Variants in ZNF134 observed in about 807,000 individuals in gnomAD.
ZNF134 encodes zinc finger protein 134.
ZNF134 carries 5 observed loss-of-function variants against 2.5 expected under a neutral mutation model. The ratio of observed to expected loss-of-function variants is 2.03; its 90% CI spans 1.06 to 4.27. The LOEUF is 4.27. Ranked by LOEUF, ZNF134 falls within the 30% of genes most tolerant of loss-of-function variation. The pLI, the probability that ZNF134 is intolerant of heterozygous loss-of-function variation, is 0.00. For missense variants in ZNF134, 540 were observed against 517.5 expected (o/e 1.04, Z -0.42); for synonymous variants, 176 against 176.2 (o/e 1.00, Z 0.01).
chr19:57,623,042 C>A lies in ZNF134; in HGVS notation c.*1639C>A, dbSNP rs533635671. ...GTGGTATTGGACATATCTGTTACCC[C>A]CAAAGTTAACCTGAGGCCCTTAACC... is the stretch of plus-strand genomic sequence containing the variant. On this transcript the variant is annotated 3_prime_UTR_variant, in exon 3 of 3. Coordinates refer to ENST00000396161, the MANE Select transcript of ZNF134 (RefSeq NM_003435.5). 3.3e-5 allele frequency: 5 copies of A among 151,872 alleles called. No homozygotes were observed. The East Asian group carries it at 9.7e-4, about 29-fold the overall frequency. The allele number at this position is 151,872 out of a possible 1,614,324, so 9.4% of individuals were successfully genotyped here.
rs1373774405 is a variant in ZNF134 at position 57,620,930 on chromosome 19, C to T, written c.811C>T (p.His271Tyr). ...CAATGAATGTGGGAAATATTTTAGC[C>T]ATCACTCCAATCTAATTGTACACCA... Reference protein sequence around the residue: ...KCNECGKYFSHHSNLIVHQRV... With the variant: ...KCNECGKYFSYHSNLIVHQRV... The change falls in exon 3 of 3, where the codon CAT becomes TAT. Residue 271 changes from histidine to tyrosine, a missense_variant. Transcript: ENST00000396161. 2 of 1,614,132 alleles carry T rather than the reference C, an allele frequency of 1.2e-6. No individual in the cohort carries two copies. The highest frequency in any genetic ancestry group is 1.7e-6 in the Non-Finnish European group (2 of 1,180,024).
intron 1 of ZNF134, among the ~76,000 whole-genome samples, chr19:57,615,340 AG>A (rs761534025): frequency 3.1e-4 from 47 of 152,020 alleles, no homozygotes; most frequent in Non-Finnish European, 4.6e-4. Context: ...TGGAATTTCA[AG>A]GAAGTTATTT....
intron 1 of ZNF134, among the ~76,000 whole-genome samples, chr19:57,617,828 G>A (rs1247947133): frequency 8.5e-5 from 13 of 152,220 alleles, no homozygotes. Flanking sequence ...ATGTCCCTGG[G>A]AGGAAGGGGA....
intron 1 of ZNF134, among the ~76,000 whole-genome samples, chr19:57,614,721 C>G (rs1261334841): frequency 6.6e-6 from 1 of 152,108 alleles, no homozygotes; most frequent in Non-Finnish European, 1.5e-5. Context: ...CGTAGTCAGG[C>G]CTGCAATGTC....
intron 1 of ZNF134, among the ~76,000 whole-genome samples, chr19:57,615,763 T>C (rs996573945): frequency 1.3e-5 from 2 of 152,098 alleles, no homozygotes; most frequent in Non-Finnish European, 2.9e-5. Context: ...GTTACAGTGG[T>C]GGGACATGTG....
chr19:57,620,251 G>T lies in ZNF134; in HGVS notation c.132G>T (p.Leu44Phe), dbSNP rs778838065. The T allele has an allele frequency of 8.1e-6, 13 of 1,614,070 alleles. No individual in the cohort carries two copies. The highest frequency in any genetic ancestry group is 1.7e-5 in the Admixed American group (1 of 60,008). Reference sequence around the variant, plus strand: ...ATGTTAATACTTCCAAGGCAGGTTTGCCCGCACAGACGGCTCTCCCTTGTG... The same window carrying T: ...ATGTTAATACTTCCAAGGCAGGTTTTCCCGCACAGACGGCTCTCCCTTGTG... ...VSHVNTSKAG[L>F]PAQTALPCDI... The change falls in exon 3 of 3, where the codon TTG becomes TTT. Residue 44 changes from leucine (L) to phenylalanine (F), a missense_variant. Transcript: ENST00000396161.
Position 57,621,881 on chromosome 19 carries a change from G to C in ZNF134, c.*478G>C, listed in dbSNP as rs1981234455. 7.3e-6 allele frequency: 2 copies of C among 273,678 alleles called. No individual in the cohort carries two copies. Among genetic ancestry groups the C allele is most frequent in the East Asian group, 8.7e-5 (1 of 11,534 alleles). The allele number at this position is 273,678 out of a possible 1,614,324, so 17.0% of individuals were successfully genotyped here. A position where few individuals can be genotyped will look rare whatever the true frequency, so the allele number is the denominator to read the frequency against. On this transcript the variant is annotated 3_prime_UTR_variant, in exon 3 of 3. Transcript: ENST00000396161. Reference sequence around the variant, plus strand: ...TGGCCTGGGAAAGTACTTGCCTCATGTTGCTCTGGTTTGTGATAATAAAGG... The same window carrying C: ...TGGCCTGGGAAAGTACTTGCCTCATCTTGCTCTGGTTTGTGATAATAAAGG...
At chr19:57,615,724 C>T (rs970609413) in intron 1 of ZNF134, among the ~76,000 whole-genome samples, 2 of 152,046 alleles carry the variant, frequency 1.3e-5, no homozygotes, top group Non-Finnish European at 2.9e-5. Flanking sequence ...GAGTATTTTC[C>T]AAATAAGGAA....
rs1193208134 is a variant in ZNF134 at position 57,614,381 on chromosome 19, C to G, written c.-180C>G. Reference sequence around the variant, plus strand: ...TGCGGAGTGGCTCGCCAGCGAAGACCCCGCCTGCGCCCCCGGGGACGGACG... The same window carrying G: ...TGCGGAGTGGCTCGCCAGCGAAGACGCCGCCTGCGCCCCCGGGGACGGACG... On this transcript the variant is annotated 5_prime_UTR_variant, in exon 1 of 3. Coordinates refer to ENST00000396161, the MANE Select transcript of ZNF134 (RefSeq NM_003435.5). The G allele has an allele frequency of 4.4e-6, 2 of 453,436 alleles. No individual in the cohort carries two copies. Among genetic ancestry groups the G allele is most frequent in the African/African-American group, 4.0e-5 (2 of 49,850 alleles). 28.1% of individuals were successfully genotyped at this position (453,436 alleles called of 1,614,324 possible).
At position 57,621,206 on chromosome 19, in the gene ZNF134, C is replaced by A. The variant is rs754944943; in HGVS notation, c.1087C>A (p.Gln363Lys). Residue 363 changes from glutamine (Q) to lysine (K), a missense_variant, in exon 3 of 3, where the codon CAG becomes AAG. Coordinates refer to ENST00000396161, the MANE Select transcript of ZNF134 (RefSeq NM_003435.5). ...FSRSSDYIAH[Q>K]RVHTGERPFV... The stretch of plus-strand genomic sequence containing the variant: ...TCGAAGTTCTGACTATATTGCACAC[C>A]AGAGGGTTCACACTGGTGAAAGGCC... The A allele has an allele frequency of 1.2e-6, 2 of 1,614,144 alleles. No homozygotes were observed. Among genetic ancestry groups the A allele is most frequent in the Admixed American group, 3.3e-5 (2 of 60,022 alleles).
chr19:57,621,465 G>T lies in ZNF134; in HGVS notation c.*62G>T. Reference sequence around the variant, plus strand: ...GTTGAATTTCATGTATCTGAACATTGACACAAAGGAGATACCTTATGGTGC... The same window carrying T: ...GTTGAATTTCATGTATCTGAACATTTACACAAAGGAGATACCTTATGGTGC... On this transcript the variant is annotated 3_prime_UTR_variant, in exon 3 of 3. Transcript: ENST00000396161. 1 of 1,601,530 alleles carries T rather than the reference G, an allele frequency of 6.2e-7. No individual in the cohort carries two copies. Among genetic ancestry groups the T allele is most frequent in the South Asian group, 1.1e-5 (1 of 90,980 alleles).
chr19:57,621,340 G>A lies in ZNF134; in HGVS notation c.1221G>A (p.Lys407=), dbSNP rs1263566313. Residue 407 remains lysine, a synonymous_variant, in exon 3 of 3, where the codon AAG becomes AAA. Coordinates refer to ENST00000396161, the MANE Select transcript of ZNF134 (RefSeq NM_003435.5). ...ERPYECSECG[K]AYSLSSHLNR... is the part of the protein sequence containing the mutation. ...CATATGAGTGCAGTGAATGTGGGAAGGCCTACAGCTTAAGCTCCCACCTCA... is the reference window on the plus strand; with the variant it reads ...CATATGAGTGCAGTGAATGTGGGAAAGCCTACAGCTTAAGCTCCCACCTCA... The A allele has an allele frequency of 1.2e-6, 2 of 1,614,106 alleles. No individual in the cohort carries two copies. The highest frequency in any genetic ancestry group is 1.7e-6 in the Non-Finnish European group (2 of 1,180,030).
At chr19:57,619,755 A>G (rs1012571607) in intron 2 of ZNF134, 7 of 569,484 alleles carry the variant, frequency 1.2e-5, no homozygotes, top group Non-Finnish European at 2.2e-5. Flanking sequence ...ATATTGTACT[A>G]CACTTACACT....
In ZNF134 at chr19:57,622,772, A is replaced by G. The variant is rs1981263855; in HGVS notation, c.*1369A>G. The G allele has an allele frequency of 2.0e-5, 3 of 152,092 alleles. No homozygotes were observed. Among genetic ancestry groups the G allele is most frequent in the South Asian group, 2.1e-4 (1 of 4,832 alleles). 9.4% of individuals were successfully genotyped at this position (152,092 alleles called of 1,614,324 possible). A position where few individuals can be genotyped will look rare whatever the true frequency, so the allele number is the denominator to read the frequency against. On this transcript the variant is annotated 3_prime_UTR_variant, in exon 3 of 3. Transcript: ENST00000396161. ...TACTGAGGAAGAGATTGTCTTCCCA[A>G]GATATTTGGAGTGATAAGAGTCACC... is the stretch of plus-strand genomic sequence containing the variant.
rs1043433260 is a variant in ZNF134, at chr19:57,622,385, T to G, written c.*982T>G. 1.3e-5 allele frequency: 2 copies of G among 152,100 alleles called. No homozygotes were observed. Among genetic ancestry groups the G allele is most frequent in the Admixed American group, 1.3e-4 (2 of 15,278 alleles). 9.4% of individuals were successfully genotyped at this position (152,100 alleles called of 1,614,324 possible). A position where few individuals can be genotyped will look rare whatever the true frequency, so the allele number is the denominator to read the frequency against. ...AAAGCATCCAGTAGGGAAACAAAAT[T>G]GATAAATATTGAGTGTGAGTAATTG... On this transcript the variant is annotated 3_prime_UTR_variant, in exon 3 of 3. Coordinates refer to ENST00000396161, the MANE Select transcript of ZNF134 (RefSeq NM_003435.5).
chr19:57,615,557 G>T (rs1230875050), intron 1 of ZNF134, among the ~76,000 whole-genome samples: 1 of 152,126 alleles, frequency 6.6e-6, no homozygotes, highest in Non-Finnish European at 1.5e-5. Context: ...TTCTGTGCAA[G>T]TGTGCTGCCT....
Position 57,620,771 on chromosome 19 carries a change from A to G in ZNF134, c.652A>G (p.Thr218Ala), listed in dbSNP as rs546036164. 2 of 1,613,770 alleles carry G rather than the reference A, an allele frequency of 1.2e-6. No individual in the cohort carries two copies. Among genetic ancestry groups the G allele is most frequent in the African/African-American group, 1.3e-5 (1 of 74,934 alleles). ...TGGGAAAGCCTTCAGCCGCAAAGCTACACTTGTCCAGCATCAGAGAATCCA... is the reference window on the plus strand; with the variant it reads ...TGGGAAAGCCTTCAGCCGCAAAGCTGCACTTGTCCAGCATCAGAGAATCCA... ...ECGKAFSRKATLVQHQRIHTG... is the reference protein window; with the variant it reads ...ECGKAFSRKAALVQHQRIHTG... Residue 218 changes from threonine to alanine, a missense_variant, in exon 3 of 3, where the codon ACA (threonine) becomes GCA (alanine). Transcript: ENST00000396161.
chr19:57,619,335 C>G, intron 1 of ZNF134, 77 bp from the exon 2 acceptor site: 1 of 1,157,704 alleles, frequency 8.6e-7, no homozygotes, highest in Non-Finnish European at 1.3e-6. Context: ...TGTTTTCTTG[C>G]AATTTTGCAT....
Position 57,620,833 on chromosome 19 carries a change from A to G in ZNF134, c.714A>G (p.Gly238=). Reference sequence around the variant, plus strand: ...GGCCTTATGAATGCAGCGAATGTGGAAAAACCTTCAGTCGAAAAGACAACC... The same window carrying G: ...GGCCTTATGAATGCAGCGAATGTGGGAAAACCTTCAGTCGAAAAGACAACC... ...GERPYECSEC[G]KTFSRKDNLT... is the part of the protein sequence containing the mutation. Residue 238 remains glycine, a synonymous_variant, in exon 3 of 3, where the codon GGA becomes GGG. Coordinates refer to ENST00000396161, the MANE Select transcript of ZNF134 (RefSeq NM_003435.5). 2 of 1,614,136 alleles carry G rather than the reference A, an allele frequency of 1.2e-6. No homozygotes were observed. Among genetic ancestry groups the G allele is most frequent in the Non-Finnish European group, 1.7e-6 (2 of 1,180,012 alleles).
Sources: allele counts gnomAD v4.1 joint callset (sites outside exome capture counted in the v4.1 genomes callset), GRCh38; gene constraint gnomAD v4.1.1; transcripts MANE v1.5; gene names NCBI Gene and HGNC (gene_info 2026-07-23, HGNC 2026-07-21).